Variants in FBRSL1 observed in about 807,000 individuals in gnomAD.
The protein encoded by FBRSL1 is fibrosin like 1, also known as fibrosin-1-like protein.
A neutral mutation model predicts 89.6 loss-of-function variants in FBRSL1; 51 were observed. The ratio of observed to expected loss-of-function variants is 0.57; its 90% CI spans 0.45 to 0.72. FBRSL1 has a LOEUF of 0.72. FBRSL1 is among the 30% of genes least tolerant of loss of function. FBRSL1 has a pLI of 0.00. For synonymous variants in FBRSL1, 779 were observed against 681.1 expected (o/e 1.14, Z -2.24); for missense variants, 1,618 against 1,451.8 (o/e 1.11, Z -1.86).
At chr12:132,493,747 G>C (rs1035436530) in intron 1 of FBRSL1, among the ~76,000 whole-genome samples, 1 of 152,234 alleles carries the variant, frequency 6.6e-6, no homozygotes, top group Admixed American at 6.5e-5. Context: ...AGGCCGTTCT[G>C]TGCCCGGGGC....
intron 4 of FBRSL1, among the ~76,000 whole-genome samples, chr12:132,538,395 G>C (rs1016527820): frequency 1.3e-5 from 2 of 152,224 alleles, no homozygotes; most frequent in Non-Finnish European, 2.9e-5. Flanking sequence ...CTCTTCACGG[G>C]CCTGGACTGG....
At chr12:132,580,855 G>A (rs2040695814) in intron 15 of FBRSL1, 1 of 985,320 alleles carries the variant, frequency 1.0e-6, no homozygotes, top group South Asian at 4.7e-5. Context: ...TGAATCCCCT[G>A]CAGCAGCCCC....
At chr12:132,571,257 G>T (rs1354932125) in intron 9 of FBRSL1, 26 bp downstream of exon 9, 2 of 1,477,274 alleles carry the variant, frequency 1.4e-6, no homozygotes, top group Non-Finnish European at 9.1e-7. Context: ...GCCCCGCCGG[G>T]AGCCCGCGGC....
At chr12:132,502,211 A>G (rs796740363) in intron 1 of FBRSL1, among the ~76,000 whole-genome samples, 4 of 152,232 alleles carry the variant, frequency 2.6e-5, no homozygotes, top group African/African-American at 4.8e-5. Context: ...CCTGCCAGCA[A>G]TGGTGTGGTC....
intron 6 of FBRSL1, among the ~76,000 whole-genome samples, chr12:132,567,805 G>C (rs978226468): frequency 8.5e-5 from 13 of 152,204 alleles, no homozygotes; most frequent in African/African-American, 2.7e-4. Context: ...GCCCTCCCCA[G>C]GTTCGTGGGG....
At chr12:132,505,141 A>G (rs1312634627) in intron 1 of FBRSL1, among the ~76,000 whole-genome samples, 2 of 152,198 alleles carry the variant, frequency 1.3e-5, no homozygotes, top group Non-Finnish European at 2.9e-5. Context: ...CAAAAAGATA[A>G]GCGGGGCCTG....
At chr12:132,539,019 C>T (rs989886896) in intron 4 of FBRSL1, among the ~76,000 whole-genome samples, 22 of 152,082 alleles carry the variant, frequency 1.4e-4, no homozygotes, top group Middle Eastern at 3.4e-3. Flanking sequence ...CAGTCACCCC[C>T]GGTCTGTGCC....
chr12:132,561,484 G>A (rs907482883), intron 5 of FBRSL1, among the ~76,000 whole-genome samples: 19 of 152,206 alleles, frequency 1.2e-4, no homozygotes, highest in African/African-American at 4.6e-4. Context: ...CCCTAGAGAC[G>A]AGGGCCGGCT....
At position 132,571,241 on chromosome 12, in the gene FBRSL1, C is replaced by T. The variant is rs145568357; in HGVS notation, c.1377+10C>T. On this transcript the variant is annotated intron_variant, in intron 9 of 18. Coordinates refer to ENST00000680143, the MANE Select transcript of FBRSL1 (RefSeq NM_001367871.1). ...ACCCCGGGAGTGCCAGGTGACTATC[C>T]GCCTCGCCCCGCCGGGAGCCCGCGG... The T allele has an allele frequency of 8.4e-5, 123 of 1,465,852 alleles. 2 individuals carry two copies. In the South Asian group the frequency reaches 9.6e-4, roughly 11 times the overall value. The allele number at this position is 1,465,852 out of a possible 1,614,324, so 90.8% of individuals were successfully genotyped here. A position where few individuals can be genotyped will look rare whatever the true frequency, so the allele number is the denominator to read the frequency against.
intron 2 of FBRSL1, among the ~76,000 whole-genome samples, chr12:132,513,702 G>C (rs545740665): frequency 7.4e-4 from 112 of 152,334 alleles, no homozygotes; most frequent in African/African-American, 2.5e-3. Flanking sequence ...GAGGGCAGTG[G>C]TTGGTTTGTT....
intron 14 of FBRSL1, among the ~76,000 whole-genome samples, chr12:132,576,367 AT>A (rs796883982): frequency 2.0e-5 from 3 of 151,852 alleles, no homozygotes; most frequent in African/African-American, 7.3e-5. Context: ...TAATTTTTGT[AT>A]TTTTAGTAAA....
chr12:132,543,156 G>A (rs998890981), intron 4 of FBRSL1, among the ~76,000 whole-genome samples: 1 of 152,216 alleles, frequency 6.6e-6, no homozygotes, highest in Non-Finnish European at 1.5e-5. Context: ...GACACTGATG[G>A]CAGCTCCCAT....
intron 2 of FBRSL1, chr12:132,511,055 G>T: frequency 1.0e-6 from 1 of 985,922 alleles, no homozygotes; most frequent in Non-Finnish European, 1.2e-6. Flanking sequence ...GAATGGTGAA[G>T]GTGTGGGTTT....
At chr12:132,565,589 G>A in intron 5 of FBRSL1, 1 of 130,596 alleles carries the variant, frequency 7.7e-6, no homozygotes, top group East Asian at 2.3e-4. Context: ...GTACCCGAGT[G>A]TGTGTATGTG....
At chr12:132,504,492 C>A (rs1432046349) in intron 1 of FBRSL1, among the ~76,000 whole-genome samples, 1 of 152,108 alleles carries the variant, frequency 6.6e-6, no homozygotes, top group East Asian at 1.9e-4. Flanking sequence ...GGGGTGCTGG[C>A]GCCACTGCAG....
rs2037717551 is a variant in FBRSL1 at position 132,546,704 on chromosome 12, G to A, written c.616-1299G>A. Among the ~76,000 whole-genome samples, 1 of 152,172 alleles carries A rather than the reference G, an allele frequency of 6.6e-6. No individual in the cohort carries two copies. The highest frequency in any genetic ancestry group is 1.5e-5 in the Non-Finnish European group (1 of 68,006). On this transcript the variant is annotated intron_variant, in intron 4 of 18. Coordinates refer to ENST00000680143, the MANE Select transcript of FBRSL1 (RefSeq NM_001367871.1). This position sits in a 1 kb window ranked among gnomAD's most constrained non-coding sequence, Gnocchi z 4.0. ...GCCTGGGGGAGCCTGTCAGCCTCAGGAGACCCCCCCCACAGGCCCACCCCA... is the reference window on the plus strand; with the variant it reads ...GCCTGGGGGAGCCTGTCAGCCTCAGAAGACCCCCCCCACAGGCCCACCCCA...
In FBRSL1 at chr12:132,582,371, T is replaced by C. The variant is rs2040825660; in HGVS notation, c.2201+105T>C. 5.6e-6 allele frequency: 5 copies of C among 889,104 alleles called. No individual in the cohort carries two copies. In the South Asian group the frequency reaches 8.3e-5, roughly 15 times the overall value. 55.1% of individuals were successfully genotyped at this position (889,104 alleles called of 1,614,324 possible). A position where few individuals can be genotyped will look rare whatever the true frequency, so the allele number is the denominator to read the frequency against. ...CCTCCCCCGTTCCCTCTTCTCCCCG[T>C]TTCCTCTCCCTCACCGTTCCCCCTC... On this transcript the variant is annotated intron_variant, in intron 18 of 18. Transcript: ENST00000680143.
chr12:132,569,953 A>T lies in FBRSL1; in HGVS notation c.719A>T (p.Lys240Met). 1 of 1,428,098 alleles carries T rather than the reference A, an allele frequency of 7.0e-7. No homozygotes were observed. The highest frequency in any genetic ancestry group is 9.1e-7 in the Non-Finnish European group (1 of 1,099,446). The allele number at this position is 1,428,098 out of a possible 1,614,324, so 88.5% of individuals were successfully genotyped here. Residue 240 changes from lysine (K) to methionine (M), a missense_variant, in exon 7 of 19, where the codon AAG (lysine) becomes ATG (methionine). By Grantham distance (95) the Lys-to-Met change is moderately conservative. Coordinates refer to ENST00000680143, the MANE Select transcript of FBRSL1 (RefSeq NM_001367871.1). Reference protein sequence around the residue: ...KGPALEKSEAKAGPVPKVSGL... With the variant: ...KGPALEKSEAMAGPVPKVSGL... ...CCAGCGCTTGAGAAGTCGGAGGCCA[A>T]GGCCGGGCCGGTGCCCAAGGTGTCA...
intron 1 of FBRSL1, among the ~76,000 whole-genome samples, chr12:132,495,186 A>G (rs1030413415): frequency 1.3e-5 from 2 of 152,348 alleles, no homozygotes; most frequent in East Asian, 1.9e-4. Flanking sequence ...AGGCTGAGCC[A>G]GGTGGTCTCT....
Sources: gnomAD v4.1 joint callset for allele counts (sites outside exome capture counted in the v4.1 genomes callset) on GRCh38, gnomAD v4.1.1 for gene constraint, Gnocchi (gnomAD v3.1) non-coding constraint, MANE v1.5 for transcripts, NCBI Gene and HGNC (gene_info 2026-07-23, HGNC 2026-07-21) for gene names.